ERBB4: variants seen among roughly 807,000 people sequenced by gnomAD.
ERBB4 encodes the protein receptor tyrosine-protein kinase erbB-4.
A neutral mutation model predicts 158.0 loss-of-function variants in ERBB4; 42 were observed. The ratio of observed to expected loss-of-function variants is 0.27; its 90% confidence interval spans 0.21 to 0.34. The LOEUF is 0.34. Ranked by LOEUF, ERBB4 falls within the 10% of genes least tolerant of loss-of-function variation. ERBB4 has a pLI of 1.00. For missense variants in ERBB4, 1,333 were observed against 1,624.1 expected (o/e 0.82, Z 3.08); for synonymous variants, 583 against 558.7 (o/e 1.04, Z -0.61).
At chr2:212,308,859 A>T (rs1192637909) in intron 1 of ERBB4, among the ~76,000 whole-genome samples, 1 of 150,996 alleles carries the variant, frequency 6.6e-6, no homozygotes, top group Non-Finnish European at 1.5e-5. Context: ...ATTTGCAAGC[A>T]TACTGGGGAA....
chr2:212,007,044 T>G (rs1559302562), intron 2 of ERBB4, among the ~76,000 whole-genome samples: 1 of 152,062 alleles, frequency 6.6e-6, no homozygotes, highest in Non-Finnish European at 1.5e-5. Context: ...CTATTACTGC[T>G]AATAGTAAAA....
rs144719456 is a variant in ERBB4 at position 211,583,481 on chromosome 2, G to T, written c.2302-21393C>A. ...ATGAGTAAGTTATTTATATTCCCAA[G>T]ATTTTTGGAAGTATAGTAGAATAAA... On this transcript the variant is annotated intron_variant, in intron 19 of 27. Transcript: ENST00000342788. Among the ~76,000 whole-genome samples, 117 of 150,680 alleles carry T rather than the reference G, an allele frequency of 7.8e-4. 3 individuals carry two copies. The East Asian group carries it at 0.022, about 28-fold the overall frequency.
chr2:211,722,615 T>G, intron 6 of ERBB4, 81 bp from the exon 7 acceptor site: 1 of 1,355,418 alleles, frequency 7.4e-7, no homozygotes, highest in Non-Finnish European at 1.1e-6. Flanking sequence ...ACAGGAGAAG[T>G]TTTTTTCTAT....
chr2:212,443,396 C>T (rs74558822), intron 1 of ERBB4, among the ~76,000 whole-genome samples: 5,813 of 152,268 alleles, frequency 0.038, 383 homozygotes, highest in African/African-American at 0.13. Context: ...AGGGACCTTC[C>T]AACTTCGTAA....
intron 20 of ERBB4, among the ~76,000 whole-genome samples, chr2:211,550,789 A>G (rs1191312372): frequency 6.7e-6 from 1 of 149,766 alleles, no homozygotes; most frequent in Non-Finnish European, 1.5e-5. Context: ...AATACACTTA[A>G]TATGATTTCT....
At chr2:212,472,397 T>C (rs1689159288) in intron 1 of ERBB4, among the ~76,000 whole-genome samples, 1 of 151,804 alleles carries the variant, frequency 6.6e-6, no homozygotes, top group South Asian at 2.1e-4. Context: ...GTAATATAGC[T>C]TATTTGAATC....
intron 16 of ERBB4, among the ~76,000 whole-genome samples, chr2:211,655,470 C>A (rs1287894645): frequency 6.6e-6 from 1 of 152,032 alleles, no homozygotes; most frequent in Non-Finnish European, 1.5e-5. Context: ...GAAAGTGAGG[C>A]TCAGATAATT....
chr2:211,967,227 C>T (rs982990022), intron 2 of ERBB4, among the ~76,000 whole-genome samples: 7 of 151,956 alleles, frequency 4.6e-5, no homozygotes, highest in Admixed American at 3.9e-4. Context: ...CGAATGCTTG[C>T]TAAGTGCCAG....
intron 2 of ERBB4, among the ~76,000 whole-genome samples, chr2:212,109,874 A>G (rs1467461050): frequency 6.6e-6 from 1 of 152,186 alleles, no homozygotes; most frequent in Non-Finnish European, 1.5e-5. Flanking sequence ...AAATTCTACA[A>G]TGAAGATGCA....
intron 19 of ERBB4, among the ~76,000 whole-genome samples, chr2:211,590,626 C>T (rs1001687259): frequency 9.2e-5 from 14 of 152,242 alleles, no homozygotes; most frequent in Non-Finnish European, 2.1e-4. Flanking sequence ...CTGCCCCTCC[C>T]CTCCCACCAA....
chr2:212,191,790 T>G (rs1164838524), intron 1 of ERBB4, among the ~76,000 whole-genome samples: 1 of 143,644 alleles, frequency 7.0e-6, no homozygotes, highest in African/African-American at 2.5e-5. Context: ...GTGTTATATG[T>G]TCTATATGTT....
intron 1 of ERBB4, among the ~76,000 whole-genome samples, chr2:212,333,649 T>C (rs1484748759): frequency 6.6e-6 from 1 of 151,232 alleles, no homozygotes; most frequent in Non-Finnish European, 1.5e-5. Context: ...AGCCATGATC[T>C]TGTCATTGCA....
chr2:212,254,481 T>A (rs906544213), intron 1 of ERBB4, among the ~76,000 whole-genome samples: 2 of 152,186 alleles, frequency 1.3e-5, no homozygotes, highest in Non-Finnish European at 2.9e-5. Flanking sequence ...TCCCCACACC[T>A]ACTCCCACTT....
chr2:212,461,940 C>T (rs957862614), intron 1 of ERBB4, among the ~76,000 whole-genome samples: 1 of 152,206 alleles, frequency 6.6e-6, no homozygotes, highest in Non-Finnish European at 1.5e-5. Flanking sequence ...ACGTGACTTG[C>T]TCTTCCTTGC....
In ERBB4 at chr2:211,467,083, C is replaced by G. The variant is rs149419131; in HGVS notation, c.2488-35983G>C. ...CCATGTTAGTAATTATTCTAAAAAT[C>G]TTTTCTTTAGAGTGACAGAACCCCA... On this transcript the variant is annotated intron_variant, in intron 20 of 27. Transcript: ENST00000342788. 6.5e-3 allele frequency among the ~76,000 whole-genome samples: 994 copies of G among 152,154 alleles called. 7 individuals are homozygous for G. The highest frequency in any genetic ancestry group is 0.01 in the Non-Finnish European group (690 of 67,984).
At chr2:211,696,321 A>C (rs1007627658) in intron 12 of ERBB4, among the ~76,000 whole-genome samples, 4 of 151,918 alleles carry the variant, frequency 2.6e-5, no homozygotes, top group African/African-American at 9.7e-5. Flanking sequence ...ATATTGGCCA[A>C]GATGATCTTG....
intron 1 of ERBB4, among the ~76,000 whole-genome samples, chr2:212,127,448 C>T (rs1016895856): frequency 2.0e-5 from 3 of 152,004 alleles, no homozygotes; most frequent in East Asian, 1.9e-4. Flanking sequence ...AACAATTAGC[C>T]GGGCCTGGTG....
At chr2:211,704,702 T>C (rs537144905) in intron 10 of ERBB4, among the ~76,000 whole-genome samples, 3 of 152,350 alleles carry the variant, frequency 2.0e-5, no homozygotes, top group South Asian at 4.1e-4. Context: ...CTACATGTTA[T>C]CTATTTTCAA....
chr2:212,503,675 C>T (rs1366858426), intron 1 of ERBB4, among the ~76,000 whole-genome samples: 1 of 152,164 alleles, frequency 6.6e-6, no homozygotes, highest in African/African-American at 2.4e-5. Flanking sequence ...TGTAACAATG[C>T]TGACAAGTAC....
Sources: gnomAD v4.1 joint callset for allele counts (sites outside exome capture counted in the v4.1 genomes callset) on GRCh38, gnomAD v4.1.1 for gene constraint, MANE v1.5 for transcripts, NCBI Gene and HGNC (gene_info 2026-07-23, HGNC 2026-07-21) for gene names.